The following BPTF variants were observed in gnomAD, a reference collection of about 807,000 sequenced individuals.
BPTF encodes the protein bromodomain PHD finger transcription factor, also known as nucleosome-remodeling factor subunit BPTF.
A neutral mutation model predicts 292.5 loss-of-function variants in BPTF; 18 were observed. The observed-to-expected ratio is 0.06, with a 90% CI of 0.04 to 0.09. BPTF has a LOEUF of 0.09. Ranked by LOEUF, BPTF falls within the 10% of genes least tolerant of loss-of-function variation. BPTF has a pLI of 1.00. For missense variants in BPTF, 2,726 were observed against 3,498.7 expected (o/e 0.78, Z 5.57); for synonymous variants, 1,225 against 1,251.9 (o/e 0.98, Z 0.45).
intron 1 of BPTF, among the ~76,000 whole-genome samples, chr17:67,830,606 A>G (rs1353848838): frequency 6.6e-6 from 1 of 150,788 alleles, no homozygotes; most frequent in African/African-American, 2.4e-5. Flanking sequence ...TGTGGAGAGT[A>G]AGGAAAGGCA....
intron 7 of BPTF, among the ~76,000 whole-genome samples, chr17:67,894,396 T>C (rs2061314803): frequency 7.9e-6 from 1 of 126,492 alleles, no homozygotes; most frequent in Admixed American, 7.8e-5. Flanking sequence ...TGGTGTAGTC[T>C]CGGCTTGCTG....
chr17:67,935,670 A>T (rs2064854608), intron 18 of BPTF, among the ~76,000 whole-genome samples: 2 of 152,178 alleles, frequency 1.3e-5, no homozygotes, highest in South Asian at 4.1e-4. Flanking sequence ...CGCCTGCCCA[A>T]CGTGGTGAAA....
At chr17:67,847,043 C>T (rs1383656079) in intron 1 of BPTF, among the ~76,000 whole-genome samples, 1 of 152,152 alleles carries the variant, frequency 6.6e-6, no homozygotes, top group Non-Finnish European at 1.5e-5. Flanking sequence ...TATTTGGGAC[C>T]TGTGTTGGTT....
At chr17:67,957,771 A>C (rs2067097138) in intron 23 of BPTF, among the ~76,000 whole-genome samples, 1 of 152,314 alleles carries the variant, frequency 6.6e-6, no homozygotes, top group East Asian at 1.9e-4. Context: ...TGGGAGGATC[A>C]CTTGAGCCTG....
intron 15 of BPTF, 45 bp from the exon 16 acceptor site, chr17:67,928,310 T>A: frequency 6.5e-7 from 1 of 1,549,664 alleles, no homozygotes; most frequent in Non-Finnish European, 8.7e-7. Flanking sequence ...ATTGTTTTTA[T>A]TTAGAACTAT....
chr17:67,845,357 T>C (rs889464362), intron 1 of BPTF, among the ~76,000 whole-genome samples: 1 of 152,238 alleles, frequency 6.6e-6, no homozygotes, highest in African/African-American at 2.4e-5. Flanking sequence ...TTGCAAATGG[T>C]GACTTCTCTA....
At chr17:67,873,484 A>C (rs2059876444) in intron 3 of BPTF, among the ~76,000 whole-genome samples, 2 of 151,928 alleles carry the variant, frequency 1.3e-5, no homozygotes, top group Non-Finnish European at 2.9e-5. Flanking sequence ...GAAAAAGAAA[A>C]ACCGTGTTTC....
Position 67,969,293 on chromosome 17 carries a change from A to T in BPTF, c.8539+2637A>T, listed in dbSNP as rs1555689363. Among the ~76,000 whole-genome samples, 3 of 151,038 alleles carry T rather than the reference A, an allele frequency of 2.0e-5. No homozygotes were observed. In the South Asian group the frequency reaches 6.2e-4, roughly 31 times the overall value. ...GAAACCTCATCTCTACTACAAAAAA[A>T]AAATACAAAAATTAGCTGGGTGTGG... On this transcript the variant is annotated intron_variant, in intron 26 of 27. Transcript: ENST00000306378.
intron 18 of BPTF, among the ~76,000 whole-genome samples, chr17:67,933,576 G>A (rs147756467): frequency 0.017 from 2,571 of 150,682 alleles, 64 homozygotes; most frequent in African/African-American, 0.055. Context: ...TAAAAAAAAA[G>A]AAAAAAAGAA....
At position 67,948,068 on chromosome 17, in the gene BPTF, T is replaced by C; in HGVS notation, c.7701-13T>C. 1 of 1,605,516 alleles carries C rather than the reference T, an allele frequency of 6.2e-7. No individual in the cohort carries two copies. The highest frequency in any genetic ancestry group is 8.5e-7 in the Non-Finnish European group (1 of 1,172,390). On this transcript the variant is annotated splice_polypyrimidine_tract_variant and intron_variant, in intron 22 of 27. Coordinates refer to ENST00000306378, the MANE Select transcript of BPTF (RefSeq NM_182641.4). ...AACGCCCAGCATTACATAGGTTGTG[T>C]ATTTTTCTCTAGAATGATTGTCTGT...
intron 27 of BPTF, among the ~76,000 whole-genome samples, chr17:67,977,187 C>G (rs1169207368): frequency 1.3e-5 from 2 of 152,118 alleles, no homozygotes; most frequent in African/African-American, 4.8e-5. Flanking sequence ...TGTGAGGACT[C>G]AGGGCATCCT....
intron 1 of BPTF, among the ~76,000 whole-genome samples, chr17:67,828,366 C>CT (rs1460500373): frequency 2.0e-5 from 3 of 152,106 alleles, no homozygotes; most frequent in African/African-American, 7.2e-5. Flanking sequence ...TTAAAAAGAG[C>CT]TGAGACATTT....
intron 4 of BPTF, among the ~76,000 whole-genome samples, chr17:67,880,089 T>A (rs1432694869): frequency 6.6e-6 from 1 of 152,212 alleles, no homozygotes; most frequent in Non-Finnish European, 1.5e-5. Flanking sequence ...TTTTTACAAT[T>A]TATTAGCATA....
intron 1 of BPTF, among the ~76,000 whole-genome samples, chr17:67,848,821 C>T (rs910696953): frequency 2.0e-5 from 3 of 152,112 alleles, no homozygotes; most frequent in Non-Finnish European, 2.9e-5. Context: ...ATTACTCCGT[C>T]GAGGTAATAA....
intron 24 of BPTF, among the ~76,000 whole-genome samples, chr17:67,960,539 A>G (rs2067378699): frequency 2.0e-5 from 3 of 152,212 alleles, no homozygotes; most frequent in African/African-American, 4.8e-5. Context: ...AAGATTATAG[A>G]GGCACTAAAC....
At chr17:67,982,002 T>G (rs1379744812) in intron 27 of BPTF, 7 of 144,724 alleles carry the variant, frequency 4.8e-5, no homozygotes, top group Non-Finnish European at 7.6e-5. Flanking sequence ...TATATATATA[T>G]ATATATATAT....
chr17:67,949,851 T>C (rs1341736680), intron 23 of BPTF, among the ~76,000 whole-genome samples: 1 of 149,838 alleles, frequency 6.7e-6, no homozygotes, highest in Non-Finnish European at 1.5e-5. Context: ...TGAGGTCAGT[T>C]CAAGACCAGC....
At chr17:67,908,450 C>T (rs980316010) in intron 9 of BPTF, among the ~76,000 whole-genome samples, 13 of 149,862 alleles carry the variant, frequency 8.7e-5, no homozygotes, top group Non-Finnish European at 1.8e-4. Flanking sequence ...CCACCACACT[C>T]ACCCAAATTT....
chr17:67,938,027 C>T (rs557747967), intron 18 of BPTF, among the ~76,000 whole-genome samples: 31 of 152,294 alleles, frequency 2.0e-4, no homozygotes, highest in Non-Finnish European at 2.9e-4. Context: ...GCAGGAGAAT[C>T]GCTTGAACCC....
Sources: gnomAD v4.1 joint callset for allele counts (sites outside exome capture counted in the v4.1 genomes callset) on GRCh38, gnomAD v4.1.1 for gene constraint, MANE v1.5 for transcripts, NCBI Gene and HGNC (gene_info 2026-07-23, HGNC 2026-07-21) for gene names.